Variants in DAB2IP observed in about 807,000 individuals in gnomAD.
The protein encoded by DAB2IP is DAB2 interacting protein.
DAB2IP carries 28 observed loss-of-function variants against 107.2 expected under a neutral mutation model. The observed-to-expected ratio is 0.26, with a 90% confidence interval of 0.19 to 0.36. The LOEUF (loss-of-function observed/expected upper bound fraction) is 0.36. DAB2IP is among the 10% of genes least tolerant of loss of function. DAB2IP has a pLI of 1.00. For missense variants in DAB2IP, 1,400 were observed against 1,644.7 expected (o/e 0.85, Z 2.57); for synonymous variants, 755 against 706.4 (o/e 1.07, Z -1.09).
intron 14 of DAB2IP, among the ~76,000 whole-genome samples, chr9:121,779,372 T>C (rs1779146269): frequency 6.6e-6 from 1 of 152,246 alleles, no homozygotes; most frequent in Non-Finnish European, 1.5e-5. Flanking sequence ...TTTTTACTGA[T>C]TTATTTTCCG....
At chr9:121,781,944 C>T (rs904088548) in intron 15 of DAB2IP, among the ~76,000 whole-genome samples, 1 of 152,156 alleles carries the variant, frequency 6.6e-6, no homozygotes, top group Admixed American at 6.5e-5. Context: ...GTGGCCCCAG[C>T]CTCCTTTACT....
intron 3 of DAB2IP, among the ~76,000 whole-genome samples, chr9:121,719,757 C>A (rs1037297530): frequency 2.6e-5 from 4 of 152,164 alleles, no homozygotes; most frequent in Admixed American, 6.5e-5. Flanking sequence ...AAACCAGATG[C>A]AGAGAGGTTT....
chr9:121,689,151 G>A (rs557612743), intron 2 of DAB2IP, among the ~76,000 whole-genome samples: 6 of 152,240 alleles, frequency 3.9e-5, no homozygotes, highest in East Asian at 1.9e-4. Context: ...AAAATTAGCC[G>A]GGCGTGGTAG....
intron 1 of DAB2IP, among the ~76,000 whole-genome samples, chr9:121,613,138 T>G (rs1330027632): frequency 6.6e-6 from 1 of 152,222 alleles, no homozygotes; most frequent in Non-Finnish European, 1.5e-5. Context: ...CTCAGGCAGG[T>G]CCTTCTGCAG....
At chr9:121,700,728 C>CT (rs1262575707) in intron 3 of DAB2IP, among the ~76,000 whole-genome samples, 1 of 152,184 alleles carries the variant, frequency 6.6e-6, no homozygotes, top group Non-Finnish European at 1.5e-5. Flanking sequence ...AGTAGAATGG[C>CT]TAGACGTTTA....
chr9:121,583,461 G>A (rs1455548399), intron 1 of DAB2IP, among the ~76,000 whole-genome samples: 3 of 152,144 alleles, frequency 2.0e-5, no homozygotes, highest in Non-Finnish European at 2.9e-5. Flanking sequence ...GGGAGGAGCC[G>A]GCTCTTCTGG....
chr9:121,689,150 C>T (rs961622171), intron 2 of DAB2IP, among the ~76,000 whole-genome samples: 7 of 152,164 alleles, frequency 4.6e-5, no homozygotes, highest in South Asian at 2.1e-4. Context: ...AAAAATTAGC[C>T]GGGCGTGGTA....
chr9:121,699,975 A>T lies in DAB2IP; in HGVS notation c.362+517A>T, dbSNP rs1829680138. Among the ~76,000 whole-genome samples, 1 of 152,198 alleles carries T rather than the reference A, an allele frequency of 6.6e-6. No homozygotes were observed. Among genetic ancestry groups the T allele is most frequent in the African/African-American group, 2.4e-5 (1 of 41,466 alleles). On this transcript the variant is annotated intron_variant, in intron 3 of 15. Transcript: ENST00000408936. This position sits in a 1 kb window ranked among gnomAD's most constrained non-coding sequence, Gnocchi z 6.2. Reference sequence around the variant, plus strand: ...GGGGGCTGGGCCACTTAGGGGGCACATCTGCTCTAAGTAGGGCGCGTGCTC... The same window carrying T: ...GGGGGCTGGGCCACTTAGGGGGCACTTCTGCTCTAAGTAGGGCGCGTGCTC...
At chr9:121,758,992 A>T in exon 5 of DAB2IP, 1 of 1,611,808 alleles carries the variant, frequency 6.2e-7, no homozygotes, top group Non-Finnish European at 8.5e-7. Context: ...GTGCATCCCA[A>T]CAAGGTAAGC....
At chr9:121,680,973 C>G (rs1395365726) in intron 2 of DAB2IP, among the ~76,000 whole-genome samples, 1 of 152,068 alleles carries the variant, frequency 6.6e-6, no homozygotes, top group African/African-American at 2.4e-5. Flanking sequence ...GAACTCCTGA[C>G]CTCAGGTGAT....
intron 1 of DAB2IP, among the ~76,000 whole-genome samples, chr9:121,607,907 G>A (rs913253571): frequency 6.6e-5 from 10 of 152,330 alleles, no homozygotes; most frequent in South Asian, 6.2e-4. Context: ...GCTGTTTGCC[G>A]GGAGCAGCAG....
At chr9:121,749,280 T>C (rs1415531933) in intron 3 of DAB2IP, among the ~76,000 whole-genome samples, 1 of 152,234 alleles carries the variant, frequency 6.6e-6, no homozygotes, top group Non-Finnish European at 1.5e-5. Flanking sequence ...TCCTGCCGTT[T>C]GATTCCCAGC....
Position 121,679,072 on chromosome 9 carries a change from G to A in DAB2IP, c.228+291G>A, listed in dbSNP as rs139746135. 9.3e-4 allele frequency among the ~76,000 whole-genome samples: 141 copies of A among 152,302 alleles called. No homozygotes were observed. In the Middle Eastern group the frequency reaches 0.017, roughly 18 times the overall value. On this transcript the variant is annotated intron_variant, in intron 2 of 15. Transcript: ENST00000408936. ...GCTGAGCTGGCCCGGAAAGAGAAGA[G>A]GCTCTTGTTAGTTTAGATAAATGTA...
At chr9:121,695,070 C>T (rs1198648498) in intron 2 of DAB2IP, among the ~76,000 whole-genome samples, 2 of 152,130 alleles carry the variant, frequency 1.3e-5, no homozygotes, top group Non-Finnish European at 2.9e-5. Context: ...GAGGCCTCCA[C>T]CTGAGCAGCC....
intron 3 of DAB2IP, among the ~76,000 whole-genome samples, chr9:121,700,770 TG>T (rs758220464): frequency 2.0e-5 from 3 of 152,110 alleles, no homozygotes; most frequent in Non-Finnish European, 4.4e-5. Flanking sequence ...CGCTCTCCAG[TG>T]CATCCTCACC....
intron 3 of DAB2IP, among the ~76,000 whole-genome samples, chr9:121,710,308 G>T (rs1017168597): frequency 6.6e-6 from 1 of 152,198 alleles, no homozygotes; most frequent in South Asian, 2.1e-4. Flanking sequence ...CGGTTTGGAA[G>T]TATGTCCCAA....
exon 12 of DAB2IP, chr9:121,773,322 C>A (rs754653629): frequency 9.8e-6 from 15 of 1,531,768 alleles, no homozygotes; most frequent in South Asian, 6.2e-5. Flanking sequence ...TCCTGCCCCC[C>A]GCGGCCGGAC....
intron 1 of DAB2IP, among the ~76,000 whole-genome samples, chr9:121,671,458 G>A (rs940829629): frequency 6.6e-6 from 1 of 152,118 alleles, no homozygotes; most frequent in Non-Finnish European, 1.5e-5. Flanking sequence ...GCCATGTAAG[G>A]CAACATATTC....
At chr9:121,664,469 G>T (rs1485069152) in intron 1 of DAB2IP, among the ~76,000 whole-genome samples, 2 of 152,156 alleles carry the variant, frequency 1.3e-5, no homozygotes, top group Non-Finnish European at 1.5e-5. Context: ...TTGACTCTAT[G>T]GATCAGTTTG....
Sources: gnomAD v4.1 joint callset for allele counts (sites outside exome capture counted in the v4.1 genomes callset) on GRCh38, gnomAD v4.1.1 for gene constraint, Gnocchi (gnomAD v3.1) non-coding constraint, MANE v1.5 for transcripts, NCBI Gene and HGNC (gene_info 2026-07-23, HGNC 2026-07-21) for gene names.